Variants in XPO6 observed in about 807,000 individuals in gnomAD.
XPO6 encodes the protein exportin-6.
Under a neutral mutation model 130.0 loss-of-function variants are expected in XPO6, and 3 were observed. The observed-to-expected ratio is 0.02, with a 90% CI of 0.01 to 0.06. The LOEUF (loss-of-function observed/expected upper bound fraction) is 0.06. Ranked by LOEUF, XPO6 falls within the 10% of genes least tolerant of loss-of-function variation. The probability of loss-of-function intolerance (pLI) is 1.00; values close to 1 mark genes in which losing one functional copy is unlikely to be tolerated. For missense variants in XPO6, 970 were observed against 1,393.0 expected (o/e 0.70, Z 4.83); for synonymous variants, 524 against 548.9 (o/e 0.95, Z 0.63).
In XPO6 at chr16:28,107,539, G is replaced by A. The variant is rs1368898353; in HGVS notation, c.2480C>T (p.Ala827Val). ...SVQVSLALFP[A>V]FIHQSDVTDE... The stretch of plus-strand genomic sequence containing the variant: ...GCTCCTACCTGACTGATGGATAAAA[G>A]CTGGAAAGAGGGCCAGGGAGACCTG... The change falls in exon 18 of 24, where the codon GCT (alanine) becomes GTT (valine). Residue 827 changes from alanine to valine, a missense_variant. By Grantham distance (64) the Ala-to-Val change is moderately conservative. Transcript: ENST00000304658. 1 of 1,614,194 alleles carries A rather than the reference G, an allele frequency of 6.2e-7. No individual in the cohort carries two copies. The highest frequency in any genetic ancestry group is 2.2e-5 in the East Asian group (1 of 44,876).
chr16:28,184,894 T>C (rs192114274), intron 1 of XPO6, among the ~76,000 whole-genome samples: 37 of 152,300 alleles, frequency 2.4e-4, no homozygotes, highest in African/African-American at 7.7e-4. Flanking sequence ...TATGCATATC[T>C]TATGACCCTG....
chr16:28,161,645 C>A (rs1352739711), intron 6 of XPO6, among the ~76,000 whole-genome samples: 1 of 151,898 alleles, frequency 6.6e-6, no homozygotes, highest in Non-Finnish European at 1.5e-5. Context: ...TGTGTGACTA[C>A]TTGCTTGGCC....
chr16:28,138,496 A>G (rs1419651224), intron 9 of XPO6, among the ~76,000 whole-genome samples: 3 of 152,144 alleles, frequency 2.0e-5, no homozygotes, highest in Admixed American at 6.5e-5. Flanking sequence ...AATTAAGTCC[A>G]AGTAGGAACC....
intron 6 of XPO6, among the ~76,000 whole-genome samples, chr16:28,158,519 T>A (rs1596901394): frequency 6.6e-6 from 1 of 152,266 alleles, no homozygotes; most frequent in African/African-American, 2.4e-5. Context: ...TAATATGTAA[T>A]GGGTTCATCA....
chr16:28,152,565 G>C (rs1218037478), intron 8 of XPO6, 94 bp downstream of exon 8: 8 of 1,444,378 alleles, frequency 5.5e-6, no homozygotes, highest in Non-Finnish European at 7.5e-6. Flanking sequence ...ATTAATGTTT[G>C]GAAAATAAAG....
chr16:28,159,413 A>C (rs1449141688), intron 6 of XPO6, among the ~76,000 whole-genome samples: 1 of 152,168 alleles, frequency 6.6e-6, no homozygotes, highest in Admixed American at 6.5e-5. Flanking sequence ...GTACAGATAC[A>C]AAGGAGAAAA....
intron 1 of XPO6, among the ~76,000 whole-genome samples, chr16:28,184,080 G>C (rs896880671): frequency 6.6e-6 from 1 of 152,142 alleles, no homozygotes; most frequent in African/African-American, 2.4e-5. Context: ...GGAATTAACT[G>C]CAAGTGAGGA....
chr16:28,135,581 G>T (rs2042759808), intron 9 of XPO6, among the ~76,000 whole-genome samples: 1 of 152,048 alleles, frequency 6.6e-6, no homozygotes, highest in East Asian at 1.9e-4. Flanking sequence ...TTTGTCTCTG[G>T]CAATAATTTC....
Position 28,130,241 on chromosome 16 carries a change from T to C in XPO6, c.1606+2093A>G, listed in dbSNP as rs142149634. On this transcript the variant is annotated intron_variant, in intron 12 of 23. Coordinates refer to ENST00000304658, the MANE Select transcript of XPO6 (RefSeq NM_015171.4). ...GGCCAAAATGTGCATCCCATTGTCA[T>C]ACACGGTCACAGCACCAGGAGTAGA... Among the ~76,000 whole-genome samples the C allele has an allele frequency of 4.6e-5, 7 of 152,366 alleles. No individual in the cohort carries two copies. In the East Asian group the frequency reaches 1.3e-3, roughly 29 times the overall value.
At chr16:28,107,428 T>C (rs2086809966) in intron 18 of XPO6, 94 bp downstream of exon 18, 1 of 1,436,280 alleles carries the variant, frequency 7.0e-7, no homozygotes, top group Non-Finnish European at 9.7e-7. Flanking sequence ...TCAAGGCCTG[T>C]ACTGCACCGA....
At chr16:28,188,687 A>C in intron 1 of XPO6, among the ~76,000 whole-genome samples, 1 of 135,732 alleles carries the variant, frequency 7.4e-6, no homozygotes, top group East Asian at 2.8e-4. Flanking sequence ...AAAAAAAAAA[A>C]AAAAAAAAAA....
chr16:28,199,752 G>C (rs1674944230), intron 1 of XPO6, among the ~76,000 whole-genome samples: 1 of 151,970 alleles, frequency 6.6e-6, no homozygotes, highest in African/African-American at 2.4e-5. Flanking sequence ...ACTTATGTTG[G>C]CCAGGCTGGT....
chr16:28,129,220 G>A (rs757421882), intron 12 of XPO6, among the ~76,000 whole-genome samples: 13 of 152,090 alleles, frequency 8.5e-5, no homozygotes, highest in Admixed American at 2.6e-4. Flanking sequence ...GCAGACAATC[G>A]CATGGGCAAT....
Position 28,197,978 on chromosome 16 carries a change from A to AC in XPO6, c.3+13387_3+13388insG, listed in dbSNP as rs1323126796. Among the ~76,000 whole-genome samples the AC allele has an allele frequency of 3.4e-4, 42 of 124,124 alleles. 1 individual carries two copies. In the South Asian group the frequency reaches 0.012, roughly 36 times the overall value. 81.4% of individuals were successfully genotyped at this position (124,124 alleles called of 152,430 possible). A position where few individuals can be genotyped will look rare whatever the true frequency, so the allele number is the denominator to read the frequency against. On this transcript the variant is annotated intron_variant, in intron 1 of 23. Coordinates refer to ENST00000304658, the MANE Select transcript of XPO6 (RefSeq NM_015171.4). ...TCTAAGTTTATTAAAAAAAAAAAAAAAAAAAAAAAAACCCTCATACCCTTG... is the reference window on the plus strand; with the variant it reads ...TCTAAGTTTATTAAAAAAAAAAAAAACAAAAAAAAAAACCCTCATACCCTTG...
At chr16:28,122,427 G>C (rs1021429896) in intron 13 of XPO6, among the ~76,000 whole-genome samples, 1 of 152,104 alleles carries the variant, frequency 6.6e-6, no homozygotes, top group Admixed American at 6.6e-5. Flanking sequence ...TTCAAGACCA[G>C]CCTGGACAAC....
intron 6 of XPO6, among the ~76,000 whole-genome samples, chr16:28,164,803 C>T (rs1329354794): frequency 6.6e-6 from 1 of 152,218 alleles, no homozygotes; most frequent in Admixed American, 6.5e-5. Flanking sequence ...TGAGTTAGCT[C>T]AGAACCTGTT....
At chr16:28,103,868 T>C (rs1487496052) in intron 21 of XPO6, among the ~76,000 whole-genome samples, 1 of 152,160 alleles carries the variant, frequency 6.6e-6, no homozygotes, top group East Asian at 1.9e-4. Flanking sequence ...GAAATCCCTC[T>C]TGCTTCCCCA....
At chr16:28,155,259 T>G (rs1294274003) in intron 7 of XPO6, among the ~76,000 whole-genome samples, 2 of 152,202 alleles carry the variant, frequency 1.3e-5, no homozygotes, top group African/African-American at 4.8e-5. Flanking sequence ...TCTGTAAATA[T>G]TTACTAATTC....
At chr16:28,124,622 G>A (rs755578197) in intron 13 of XPO6, among the ~76,000 whole-genome samples, 2 of 152,162 alleles carry the variant, frequency 1.3e-5, no homozygotes, top group Non-Finnish European at 2.9e-5. Flanking sequence ...TCACATCACT[G>A]AGCCACAATG....
Sources: allele counts gnomAD v4.1 joint callset (sites outside exome capture counted in the v4.1 genomes callset), GRCh38; gene constraint gnomAD v4.1.1; transcripts MANE v1.5; gene names NCBI Gene and HGNC (gene_info 2026-07-23, HGNC 2026-07-21).